Variants in TTBK2 observed in about 807,000 individuals in gnomAD.
The protein encoded by TTBK2 is tau-tubulin kinase 2.
In TTBK2, 28 loss-of-function variants were observed where a neutral mutation model predicts 110.8. That is an observed-to-expected ratio of 0.25 (90% CI 0.19 to 0.35). TTBK2 has a LOEUF of 0.35. TTBK2 is among the 10% of genes least tolerant of loss of function. TTBK2 has a pLI of 1.00. For synonymous variants in TTBK2, 532 were observed against 527.3 expected (o/e 1.01, Z -0.12); for missense variants, 1,369 against 1,500.3 (o/e 0.91, Z 1.45).
intron 2 of TTBK2, among the ~76,000 whole-genome samples, 190 bp downstream of exon 2, chr15:42,878,359 T>C (rs1894900079): frequency 6.6e-6 from 1 of 152,066 alleles, no homozygotes; most frequent in South Asian, 2.1e-4. Context: ...GAGTAAGAAT[T>C]AGGGTATAAA....
intron 3 of TTBK2, chr15:42,855,275 T>A (rs1303704101): frequency 1.3e-5 from 2 of 152,038 alleles, no homozygotes; most frequent in Non-Finnish European, 2.9e-5. Flanking sequence ...CAAAATACAG[T>A]CCTTATTAAA....
chr15:42,775,621 G>A lies in TTBK2; in HGVS notation c.1512C>T (p.Ile504=), dbSNP rs1164539704. 6.2e-7 allele frequency: 1 copy of A among 1,614,038 alleles called. No homozygotes were observed. Among genetic ancestry groups the A allele is most frequent in the South Asian group, 1.1e-5 (1 of 91,066 alleles). ...CVPAVSRTDH[I]WHYDEEYLPD... ...GAAGATATTCTTCATCATAGTGCCAGATGTGGTCAGTACGGGACACAGCAG... is the reference window on the plus strand; with the variant it reads ...GAAGATATTCTTCATCATAGTGCCAAATGTGGTCAGTACGGGACACAGCAG... The change falls in exon 13 of 15, where the codon ATC becomes ATT. Residue 504 remains isoleucine (I), a synonymous_variant. Coordinates refer to ENST00000267890, the MANE Select transcript of TTBK2 (RefSeq NM_173500.4).
rs557099145 is a variant in TTBK2, at chr15:42,904,726, T to C, written c.-68+15712A>G. 2.0e-5 allele frequency among the ~76,000 whole-genome samples: 3 copies of C among 152,210 alleles called. No homozygotes were observed. In the South Asian group the frequency reaches 6.2e-4, roughly 32 times the overall value. ...CAAATTAATAAGTAAACACTGACAATCACCTAGATTATAAACTCCTTGAAG... is the reference window on the plus strand; with the variant it reads ...CAAATTAATAAGTAAACACTGACAACCACCTAGATTATAAACTCCTTGAAG... On this transcript the variant is annotated intron_variant, in intron 1 of 14. Coordinates refer to ENST00000267890, the MANE Select transcript of TTBK2 (RefSeq NM_173500.4).
At chr15:42,772,884 C>T (rs1224642480) in intron 13 of TTBK2, among the ~76,000 whole-genome samples, 1 of 152,100 alleles carries the variant, frequency 6.6e-6, no homozygotes, top group African/African-American at 2.4e-5. Context: ...AATTTGAGAC[C>T]AGTCTGGGCA....
At chr15:42,810,546 C>T in intron 9 of TTBK2, 68 bp downstream of exon 9, 4 of 1,595,730 alleles carry the variant, frequency 2.5e-6, no homozygotes, top group Non-Finnish European at 3.4e-6. Context: ...ACCTTCAAAG[C>T]TACAATGAGT....
intron 11 of TTBK2, among the ~76,000 whole-genome samples, chr15:42,783,134 A>G (rs562556019): frequency 6.6e-6 from 1 of 152,254 alleles, no homozygotes; most frequent in Non-Finnish European, 1.5e-5. Context: ...TGTCCCCCCA[A>G]AATTCACATG....
intron 9 of TTBK2, 38 bp downstream of exon 9, chr15:42,810,576 G>C: frequency 6.2e-7 from 1 of 1,611,848 alleles, no homozygotes; most frequent in Non-Finnish European, 8.5e-7. Context: ...GACTAAGAGA[G>C]AAAATAACTA....
chr15:42,826,947 C>T (rs773528573), intron 6 of TTBK2, among the ~76,000 whole-genome samples: 3 of 152,124 alleles, frequency 2.0e-5, no homozygotes, highest in Non-Finnish European at 4.4e-5. Flanking sequence ...AAGGACCTGA[C>T]GTCAGAACAA....
At chr15:42,760,347 T>C (rs1277330661) in intron 13 of TTBK2, among the ~76,000 whole-genome samples, 1 of 137,522 alleles carries the variant, frequency 7.3e-6, no homozygotes. Context: ...ATCATGCCAC[T>C]GCACTCCAGC....
At chr15:42,895,054 G>T (rs577370295) in intron 1 of TTBK2, among the ~76,000 whole-genome samples, 3 of 152,172 alleles carry the variant, frequency 2.0e-5, no homozygotes, top group East Asian at 1.9e-4. Context: ...GAATAGAAGA[G>T]AATTTTCTAA....
chr15:42,897,691 C>T (rs919434720), intron 1 of TTBK2, among the ~76,000 whole-genome samples: 3 of 152,072 alleles, frequency 2.0e-5, no homozygotes, highest in Non-Finnish European at 4.4e-5. Context: ...AGGCATTTTT[C>T]TTTGAATAAA....
intron 1 of TTBK2, among the ~76,000 whole-genome samples, chr15:42,894,272 G>C (rs879701599): frequency 2.0e-5 from 3 of 152,096 alleles, no homozygotes; most frequent in Non-Finnish European, 4.4e-5. Flanking sequence ...AAATTACCCA[G>C]TCTCAGGTAA....
intron 1 of TTBK2, among the ~76,000 whole-genome samples, chr15:42,887,055 C>T (rs969056280): frequency 2.6e-5 from 4 of 152,134 alleles, no homozygotes; most frequent in Non-Finnish European, 5.9e-5. Context: ...AATACGGACG[C>T]TACCCACTCC....
intron 2 of TTBK2, among the ~76,000 whole-genome samples, chr15:42,875,821 G>A (rs565962256): frequency 7.4e-5 from 11 of 148,450 alleles, no homozygotes; most frequent in South Asian, 2.1e-4. Context: ...CAGGAGAGTC[G>A]CTTGAACCCG....
At chr15:42,865,052 T>C (rs1413566997) in intron 3 of TTBK2, among the ~76,000 whole-genome samples, 2 of 152,192 alleles carry the variant, frequency 1.3e-5, no homozygotes, top group Non-Finnish European at 2.9e-5. Flanking sequence ...TGAAGTGGTA[T>C]AATGTTATTT....
At chr15:42,787,908 A>C (rs949779739) in intron 10 of TTBK2, among the ~76,000 whole-genome samples, 1 of 152,160 alleles carries the variant, frequency 6.6e-6, no homozygotes, top group South Asian at 2.1e-4. Flanking sequence ...CAGCGTACTT[A>C]AAAAAACTAT....
intron 3 of TTBK2, among the ~76,000 whole-genome samples, chr15:42,867,061 G>A (rs1398029137): frequency 5.9e-5 from 9 of 151,868 alleles, no homozygotes; most frequent in South Asian, 2.1e-4. Flanking sequence ...TGGCTAACAC[G>A]GTGAAACCCC....
At chr15:42,908,370 C>T (rs1369373418) in intron 1 of TTBK2, 1 of 152,140 alleles carries the variant, frequency 6.6e-6, no homozygotes. Context: ...ATTCAGAAGG[C>T]TGAAGCCGGA....
intron 13 of TTBK2, among the ~76,000 whole-genome samples, chr15:42,774,775 G>A (rs1889827601): frequency 3.9e-5 from 6 of 152,122 alleles, no homozygotes; most frequent in Admixed American, 3.9e-4. Context: ...AAACCATGAA[G>A]GGTTAAATAG....
Sources: gnomAD v4.1 joint callset for allele counts (sites outside exome capture counted in the v4.1 genomes callset) on GRCh38, gnomAD v4.1.1 for gene constraint, MANE v1.5 for transcripts, NCBI Gene and HGNC (gene_info 2026-07-23, HGNC 2026-07-21) for gene names.